PTPRN2: variants seen among roughly 807,000 people sequenced by gnomAD.
PTPRN2 encodes the protein protein tyrosine phosphatase receptor type N2.
A neutral mutation model predicts 118.8 loss-of-function variants in PTPRN2; 74 were observed. That is an observed-to-expected ratio of 0.62 (90% CI 0.52 to 0.76). PTPRN2 has a LOEUF of 0.76. Among genes scored for constraint, PTPRN2 ranks in the 30% least tolerant of loss-of-function variants. The probability of loss-of-function intolerance (pLI) is 0.00; values close to 1 mark genes in which losing one functional copy is unlikely to be tolerated. For missense variants in PTPRN2, 1,481 were observed against 1,394.4 expected (o/e 1.06, Z -0.99); for synonymous variants, 641 against 608.0 (o/e 1.05, Z -0.80).
At chr7:158,304,866 C>A (rs932150592) in intron 3 of PTPRN2, among the ~76,000 whole-genome samples, 3 of 152,156 alleles carry the variant, frequency 2.0e-5, no homozygotes, top group African/African-American at 7.2e-5. Context: ...CCTCTTGGAT[C>A]AGGGAAAAGA....
At chr7:158,185,987 G>A (rs1182886979) in intron 5 of PTPRN2, among the ~76,000 whole-genome samples, 1 of 143,014 alleles carries the variant, frequency 7.0e-6, no homozygotes, top group African/African-American at 2.5e-5. Flanking sequence ...TAGAGGCCTG[G>A]TGCTCCTTGG....
At chr7:158,201,958 A>G (rs1051703085) in intron 4 of PTPRN2, among the ~76,000 whole-genome samples, 1 of 152,132 alleles carries the variant, frequency 6.6e-6, no homozygotes, top group Non-Finnish European at 1.5e-5. Flanking sequence ...GGCTATGGCC[A>G]CTCATATTTG....
At chr7:157,823,469 T>A (rs986637163) in intron 12 of PTPRN2, among the ~76,000 whole-genome samples, 1 of 152,268 alleles carries the variant, frequency 6.6e-6, no homozygotes, top group African/African-American at 2.4e-5. Context: ...AGTGAATCAC[T>A]AATCTGCAGT....
chr7:157,735,844 G>A (rs1205531699), intron 12 of PTPRN2, among the ~76,000 whole-genome samples: 3 of 152,316 alleles, frequency 2.0e-5, no homozygotes, highest in East Asian at 3.9e-4. Context: ...GGAGGCCCCC[G>A]TGAGGCTGGG....
chr7:158,102,311 G>A (rs1371085519), intron 10 of PTPRN2, among the ~76,000 whole-genome samples: 8 of 152,160 alleles, frequency 5.3e-5, no homozygotes, highest in South Asian at 2.1e-4. Context: ...CACGCATCCC[G>A]AGCTGGCCCG....
At chr7:158,527,061 C>G (rs1003244385) in intron 1 of PTPRN2, among the ~76,000 whole-genome samples, 1 of 152,148 alleles carries the variant, frequency 6.6e-6, no homozygotes, top group Non-Finnish European at 1.5e-5. Flanking sequence ...CAAGCAGAGT[C>G]GAGACGTGCG....
intron 12 of PTPRN2, among the ~76,000 whole-genome samples, chr7:157,710,413 G>T (rs1395179724): frequency 6.6e-6 from 1 of 152,056 alleles, no homozygotes; most frequent in Non-Finnish European, 1.5e-5. Context: ...TTTCAGACCA[G>T]GTGGCCAACA....
At chr7:157,985,127 C>G (rs188596831) in intron 11 of PTPRN2, among the ~76,000 whole-genome samples, 115 of 152,380 alleles carry the variant, frequency 7.5e-4, no homozygotes, top group African/African-American at 2.7e-3. Flanking sequence ...TCACTCAACA[C>G]TCCCTTTAAC....
intron 14 of PTPRN2, among the ~76,000 whole-genome samples, chr7:157,623,003 A>G (rs996633195): frequency 6.6e-6 from 1 of 152,170 alleles, no homozygotes; most frequent in African/African-American, 2.4e-5. Context: ...CAGCCCCGAC[A>G]CCCAGGAAGC....
At chr7:157,969,428 C>T (rs1802166200) in intron 11 of PTPRN2, among the ~76,000 whole-genome samples, 1 of 152,154 alleles carries the variant, frequency 6.6e-6, no homozygotes, top group Non-Finnish European at 1.5e-5. Context: ...TTCCTCTTTG[C>T]ACACATCCTG....
chr7:158,328,546 G>T (rs1429211312), intron 2 of PTPRN2, among the ~76,000 whole-genome samples: 1 of 152,200 alleles, frequency 6.6e-6, no homozygotes, highest in African/African-American at 2.4e-5. Flanking sequence ...CTGGGGAGGA[G>T]CCCCACGTCC....
At chr7:157,873,078 T>G (rs57619601) in intron 12 of PTPRN2, among the ~76,000 whole-genome samples, 6,120 of 152,326 alleles carry the variant, frequency 0.04, 319 homozygotes, top group East Asian at 0.13. Flanking sequence ...TGTATGTCCC[T>G]CACCCGAGCC....
rs992699728 is a variant in PTPRN2 at position 157,868,995 on chromosome 7, G to A, written c.1788+29678C>T. On this transcript the variant is annotated intron_variant, in intron 12 of 22. Transcript: ENST00000389418. The surrounding 1 kb of genome is among the most constrained non-coding windows in gnomAD (Gnocchi z 5.2). ...TAGAACCAGATGAAGATTCATAAAGGCCAGTGGGATAAAGACTTCCCAATG... is the reference window on the plus strand; with the variant it reads ...TAGAACCAGATGAAGATTCATAAAGACCAGTGGGATAAAGACTTCCCAATG... 1 of 152,200 alleles carries A rather than the reference G, an allele frequency of 6.6e-6. No homozygotes were observed. The highest frequency in any genetic ancestry group is 6.5e-5 in the Admixed American group (1 of 15,276). 9.4% of individuals were successfully genotyped at this position (152,200 alleles called of 1,614,324 possible).
rs182383042 is a variant in PTPRN2, at chr7:157,784,662, C to T, written c.1789-101725G>A. On this transcript the variant is annotated intron_variant, in intron 12 of 22. Coordinates refer to ENST00000389418, the MANE Select transcript of PTPRN2 (RefSeq NM_002847.5). This position sits in a 1 kb window ranked among gnomAD's most constrained non-coding sequence, Gnocchi z 4.6. Reference sequence around the variant, plus strand: ...GGGGCTGGGCTGATCCCGTATGAAACGGGCAGGGGCTGGGCTGATCCCGTA... The same window carrying T: ...GGGGCTGGGCTGATCCCGTATGAAATGGGCAGGGGCTGGGCTGATCCCGTA... Among the ~76,000 whole-genome samples the T allele has an allele frequency of 0.012, 1,494 of 126,430 alleles. 50 individuals carry two copies. In the South Asian group the frequency reaches 0.13, roughly 11 times the overall value. The allele number at this position is 126,430 out of a possible 152,430, so 82.9% of individuals were successfully genotyped here.
intron 5 of PTPRN2, among the ~76,000 whole-genome samples, chr7:158,175,344 A>AGCTCCG (rs1005223744): frequency 6.6e-5 from 10 of 152,142 alleles, no homozygotes. Flanking sequence ...GGAACGCTGC[A>AGCTCCG]GCTCCGGCTC....
intron 11 of PTPRN2, among the ~76,000 whole-genome samples, chr7:157,921,826 A>G (rs1026065847): frequency 1.3e-5 from 2 of 152,338 alleles, no homozygotes; most frequent in East Asian, 1.9e-4. Flanking sequence ...TATAGCAACA[A>G]AAATCCACCT....
At chr7:158,060,359 G>A (rs1221156813) in intron 11 of PTPRN2, among the ~76,000 whole-genome samples, 1 of 152,230 alleles carries the variant, frequency 6.6e-6, no homozygotes, top group Non-Finnish European at 1.5e-5. Flanking sequence ...CATCTCCCAT[G>A]CAGCCCCCAG....
At chr7:158,390,856 A>C (rs10272352) in intron 2 of PTPRN2, among the ~76,000 whole-genome samples, 145,920 of 152,266 alleles carry the variant, frequency 0.96, 69,946 homozygotes, top group Admixed American at 0.97. Flanking sequence ...CAAAGAGGCT[A>C]CGAAAAATGG....
intron 1 of PTPRN2, among the ~76,000 whole-genome samples, chr7:158,504,385 C>T (rs564821780): frequency 1.1e-4 from 16 of 148,880 alleles, no homozygotes; most frequent in African/African-American, 3.4e-4. Flanking sequence ...CTGTGTCGTT[C>T]CCCCCCCATG....
Sources: allele counts gnomAD v4.1 joint callset (sites outside exome capture counted in the v4.1 genomes callset), GRCh38; gene constraint gnomAD v4.1.1; non-coding constraint Gnocchi (gnomAD v3.1); transcripts MANE v1.5; gene names NCBI Gene and HGNC (gene_info 2026-07-23, HGNC 2026-07-21).